The following KIRREL1 variants were observed in gnomAD, a reference collection of about 807,000 sequenced individuals.
KIRREL1 encodes kin of IRRE-like protein 1.
A neutral mutation model predicts 83.3 loss-of-function variants in KIRREL1; 25 were observed. The ratio of observed to expected loss-of-function variants is 0.30; its 90% confidence interval spans 0.22 to 0.42. The LOEUF (loss-of-function observed/expected upper bound fraction) is 0.42, where lower values mean the gene tolerates loss of function less well. Ranked by LOEUF, KIRREL1 falls within the 10% of genes least tolerant of loss-of-function variation. The pLI, the probability that KIRREL1 is intolerant of heterozygous loss-of-function variation, is 1.00. For missense variants in KIRREL1, 812 were observed against 1,032.3 expected (o/e 0.79, Z 2.92); for synonymous variants, 388 against 410.4 (o/e 0.95, Z 0.66).
intron 10 of KIRREL1, 65 bp downstream of exon 10, chr1:158,089,883 T>G (rs1401625110): frequency 7.1e-7 from 1 of 1,402,490 alleles, no homozygotes; most frequent in East Asian, 2.3e-5. Context: ...CCCAGCCTCC[T>G]CTCACTTCTG....
At chr1:158,083,548 T>C (rs1320112502) in intron 3 of KIRREL1, among the ~76,000 whole-genome samples, 1 of 152,234 alleles carries the variant, frequency 6.6e-6, no homozygotes, top group East Asian at 1.9e-4. Flanking sequence ...TAGGCAGTTG[T>C]AGCCATTGAA....
intron 2 of KIRREL1, among the ~76,000 whole-genome samples, chr1:158,077,547 G>C (rs541179232): frequency 6.6e-6 from 1 of 152,218 alleles, no homozygotes; most frequent in East Asian, 1.9e-4. Flanking sequence ...TTCCTCCCTG[G>C]GCCTGCCTTG....
intron 5 of KIRREL1, 31 bp downstream of exon 5, chr1:158,086,777 AG>A (rs1197086039): frequency 1.4e-5 from 20 of 1,416,588 alleles, no homozygotes; most frequent in East Asian, 2.6e-5. Flanking sequence ...AGTCTGGAGC[AG>A]GGGGGTGGAA....
chr1:158,040,962 A>AG (rs969814707), intron 1 of KIRREL1, among the ~76,000 whole-genome samples: 1 of 151,374 alleles, frequency 6.6e-6, no homozygotes, highest in Admixed American at 6.6e-5. Flanking sequence ...CTCTAGGGGT[A>AG]GGGGGAGCTG....
chr1:158,058,338 G>A (rs1170242717), intron 1 of KIRREL1, among the ~76,000 whole-genome samples: 1 of 152,160 alleles, frequency 6.6e-6, no homozygotes, highest in African/African-American at 2.4e-5. Flanking sequence ...TGCTGCTGCT[G>A]TTCAGCTGAC....
intron 10 of KIRREL1, 31 bp downstream of exon 10, chr1:158,089,849 G>T (rs1662138730): frequency 6.3e-7 from 1 of 1,585,064 alleles, no homozygotes; most frequent in Non-Finnish European, 8.7e-7. Flanking sequence ...CGGACAGCCA[G>T]CCCTCCCTGC....
Position 158,076,123 on chromosome 1 carries a change from C to A in KIRREL1, c.63C>A (p.Thr21=). The A allele has an allele frequency of 6.2e-7, 1 of 1,613,968 alleles. No individual in the cohort carries two copies. The highest frequency in any genetic ancestry group is 8.5e-7 in the Non-Finnish European group (1 of 1,179,928). Residue 21 remains threonine (T), a synonymous_variant, in exon 2 of 15, where the codon ACC becomes ACA. Transcript: ENST00000359209. ...LSDTFSQGTQ[T]RFSQEPADQT... Reference sequence around the variant, plus strand: ...GCTTTGGCTTTGCAGGGACCCAGACCCGCTTCAGCCAGGAGCCAGCTGACC... The same window carrying A: ...GCTTTGGCTTTGCAGGGACCCAGACACGCTTCAGCCAGGAGCCAGCTGACC...
At chr1:158,027,623 T>G (rs1338965946) in intron 1 of KIRREL1, among the ~76,000 whole-genome samples, 1 of 152,210 alleles carries the variant, frequency 6.6e-6, no homozygotes, top group Non-Finnish European at 1.5e-5. Context: ...GCTTGGGAGA[T>G]TCCAAGGACT....
chr1:158,060,428 C>T (rs527900093), intron 1 of KIRREL1, among the ~76,000 whole-genome samples: 1 of 152,326 alleles, frequency 6.6e-6, no homozygotes, highest in East Asian at 1.9e-4. Flanking sequence ...ACCCTTCTGT[C>T]TTTAGCTGAG....
chr1:158,036,106 T>A (rs969392929), intron 1 of KIRREL1, among the ~76,000 whole-genome samples: 22 of 152,092 alleles, frequency 1.4e-4, no homozygotes, highest in African/African-American at 5.3e-4. Flanking sequence ...AGTGTTGTAG[T>A]TTGTTTGTGT....
At chr1:158,051,380 G>A (rs574965119) in intron 1 of KIRREL1, among the ~76,000 whole-genome samples, 2 of 152,184 alleles carry the variant, frequency 1.3e-5, no homozygotes, top group African/African-American at 4.8e-5. Flanking sequence ...TCTTATTAGT[G>A]GTTCATGGTC....
intron 1 of KIRREL1, among the ~76,000 whole-genome samples, chr1:158,029,777 G>C (rs1660273224): frequency 1.3e-5 from 2 of 152,196 alleles, no homozygotes; most frequent in African/African-American, 2.4e-5. Context: ...AGTCTCAGTT[G>C]CCTCACATGC....
intron 1 of KIRREL1, among the ~76,000 whole-genome samples, chr1:158,071,101 G>T (rs899175625): frequency 1.3e-4 from 20 of 152,002 alleles, no homozygotes; most frequent in African/African-American, 4.8e-4. Context: ...CCCCTGCTTT[G>T]CCTCGGGTTT....
At chr1:158,074,607 C>G (rs1298519415) in intron 1 of KIRREL1, among the ~76,000 whole-genome samples, 2 of 152,184 alleles carry the variant, frequency 1.3e-5, no homozygotes, top group Non-Finnish European at 2.9e-5. Flanking sequence ...ATAGTGATAA[C>G]AGCAGGGCCG....
intron 1 of KIRREL1, among the ~76,000 whole-genome samples, chr1:158,034,932 A>G (rs1660434207): frequency 6.6e-6 from 1 of 152,216 alleles, no homozygotes; most frequent in South Asian, 2.1e-4. Flanking sequence ...AGCTAGAAAA[A>G]AAATTTTTAA....
intron 1 of KIRREL1, among the ~76,000 whole-genome samples, chr1:158,017,607 G>A (rs996152147): frequency 2.0e-5 from 3 of 152,028 alleles, no homozygotes; most frequent in East Asian, 3.9e-4. Flanking sequence ...CAGGAGAATC[G>A]CTTGAACCCA....
At position 158,027,067 on chromosome 1, in the gene KIRREL1, A is replaced by G. The variant is rs190726458; in HGVS notation, c.52+33339A>G. Among the ~76,000 whole-genome samples, 34 of 152,290 alleles carry G rather than the reference A, an allele frequency of 2.2e-4. 1 individual carries two copies. In the East Asian group the frequency reaches 5.6e-3, roughly 25 times the overall value. On this transcript the variant is annotated intron_variant, in intron 1 of 14. Coordinates refer to ENST00000359209, the MANE Select transcript of KIRREL1 (RefSeq NM_018240.7). ...TCCCCCAGGTTGAGGGCTCAGTCCC[A>G]CAAGACTGTCCCCCACTTCCAATAT...
rs189553765 is a variant in KIRREL1 at position 158,089,254 on chromosome 1, G to A, written c.1045-248G>A. 2.1e-4 allele frequency among the ~76,000 whole-genome samples: 32 copies of A among 152,322 alleles called. No homozygotes were observed. In the East Asian group the frequency reaches 6.0e-3, roughly 28 times the overall value. The stretch of plus-strand genomic sequence containing the variant: ...GAGGCTGCGTCCTCCTAAAATGATT[G>A]CAGCCTTCACCTGCCCTCTCTGGCC... On this transcript the variant is annotated intron_variant, in intron 8 of 14. Coordinates refer to ENST00000359209, the MANE Select transcript of KIRREL1 (RefSeq NM_018240.7).
At position 158,078,107 on chromosome 1, in the gene KIRREL1, C is replaced by T. The variant is rs1203309332; in HGVS notation, c.319C>T (p.Leu107=). 1.2e-6 allele frequency: 2 copies of T among 1,614,026 alleles called. No individual in the cohort carries two copies. Among genetic ancestry groups the T allele is most frequent in the Non-Finnish European group, 8.5e-7 (1 of 1,180,026 alleles). The change falls in exon 3 of 15, where the codon CTG becomes TTG. Residue 107 remains leucine (L), a synonymous_variant. Transcript: ENST00000359209. The part of the protein sequence containing the change: ...SYECQATEAA[L]RSRRAKLTVL... ...CGAGTGCCAGGCCACGGAGGCCGCC[C>T]TGCGCTCTCGGCGGGCCAAACTCAC...
Sources: allele counts gnomAD v4.1 joint callset (sites outside exome capture counted in the v4.1 genomes callset), GRCh38; gene constraint gnomAD v4.1.1; transcripts MANE v1.5; gene names NCBI Gene and HGNC (gene_info 2026-07-23, HGNC 2026-07-21).